Variants in SLC25A21 observed in about 807,000 individuals in gnomAD.
SLC25A21 encodes the protein mitochondrial 2-oxodicarboxylate carrier.
A neutral mutation model predicts 43.8 loss-of-function variants in SLC25A21; 47 were observed. The observed-to-expected ratio is 1.07, with a 90% CI of 0.85 to 1.37. The LOEUF is 1.37. Ranked by LOEUF, SLC25A21 falls within the 40% of genes most tolerant of loss-of-function variation. SLC25A21 has a pLI of 0.00. For synonymous variants in SLC25A21, 131 were observed against 121.3 expected, an observed-to-expected ratio of 1.08 and a Z score of -0.52; for missense variants, 352 against 350.2, an observed-to-expected ratio of 1.00 and a Z score of -0.04.
chr14:36,744,126 C>A (rs1011066267), intron 3 of SLC25A21, among the ~76,000 whole-genome samples: 4 of 152,122 alleles, frequency 2.6e-5, no homozygotes, highest in Non-Finnish European at 1.5e-5. Context: ...AAGTAATCTA[C>A]AGATTCAATG....
At chr14:36,824,764 T>C (rs894588403) in intron 2 of SLC25A21, among the ~76,000 whole-genome samples, 4 of 126,176 alleles carry the variant, frequency 3.2e-5, no homozygotes, top group Admixed American at 3.0e-4. Context: ...ATCACTTATA[T>C]AGCCCCCAGC....
At chr14:36,973,906 A>T (rs1294635842) in intron 1 of SLC25A21, among the ~76,000 whole-genome samples, 3 of 151,898 alleles carry the variant, frequency 2.0e-5, no homozygotes, top group East Asian at 1.9e-4. Context: ...ATTTTCAAAT[A>T]AAAAAAATTG....
intron 7 of SLC25A21, among the ~76,000 whole-genome samples, chr14:36,705,341 G>A (rs1260779906): frequency 1.3e-5 from 2 of 152,014 alleles, no homozygotes; most frequent in Non-Finnish European, 2.9e-5. Flanking sequence ...CACTGCGTCC[G>A]GCGGCTTACT....
intron 1 of SLC25A21, among the ~76,000 whole-genome samples, chr14:37,049,761 T>C (rs1356160853): frequency 6.6e-6 from 1 of 152,230 alleles, no homozygotes; most frequent in Non-Finnish European, 1.5e-5. Context: ...ATATATTTTA[T>C]TTAATGTAAT....
chr14:36,776,216 T>TTTC (rs1886816890), intron 3 of SLC25A21, among the ~76,000 whole-genome samples: 3 of 131,320 alleles, frequency 2.3e-5, no homozygotes, highest in African/African-American at 5.9e-5. Flanking sequence ...CTGCTTTCTT[T>TTTC]TTTCTTTTTC....
At chr14:36,949,070 T>C (rs1312875462) in intron 1 of SLC25A21, among the ~76,000 whole-genome samples, 1 of 152,226 alleles carries the variant, frequency 6.6e-6, no homozygotes, top group African/African-American at 2.4e-5. Flanking sequence ...GATCGAGTGA[T>C]GGGCTCTGGT....
At chr14:37,138,149 T>G (rs1235865830) in intron 1 of SLC25A21, among the ~76,000 whole-genome samples, 1 of 152,086 alleles carries the variant, frequency 6.6e-6, no homozygotes, top group African/African-American at 2.4e-5. Context: ...ATCCCACCCC[T>G]AAACACGCAT....
chr14:37,029,729 G>GC (rs1429644685), intron 1 of SLC25A21, among the ~76,000 whole-genome samples: 14 of 147,192 alleles, frequency 9.5e-5, no homozygotes, highest in African/African-American at 3.0e-4. Flanking sequence ...AGCTTTTGAC[G>GC]CCCCCAAAAC....
intron 1 of SLC25A21, among the ~76,000 whole-genome samples, chr14:36,890,698 T>C (rs947901883): frequency 6.6e-6 from 1 of 152,132 alleles, no homozygotes; most frequent in Non-Finnish European, 1.5e-5. Flanking sequence ...TATAATTGAG[T>C]AATATCAAGT....
chr14:36,972,070 C>T lies in SLC25A21; in HGVS notation c.71-97066G>A, dbSNP rs191762292. 6.6e-3 allele frequency among the ~76,000 whole-genome samples: 1,005 copies of T among 152,196 alleles called. 8 individuals are homozygous for T. The highest frequency in any genetic ancestry group is 0.022 in the African/African-American group (899 of 41,516). The stretch of plus-strand genomic sequence containing the variant: ...TGATAATGGTCCCGTAAGATTATAA[C>T]ATATTTTTATTGTACCTTTTCTAGG... On this transcript the variant is annotated intron_variant, in intron 1 of 9. Transcript: ENST00000331299.
chr14:36,707,133 G>C (rs1286399712), intron 7 of SLC25A21, among the ~76,000 whole-genome samples: 1 of 152,160 alleles, frequency 6.6e-6, no homozygotes, highest in Admixed American at 6.5e-5. Flanking sequence ...CTTTGCGCTA[G>C]ATGCTCCAGT....
chr14:36,847,820 T>C (rs1188480986), intron 2 of SLC25A21, among the ~76,000 whole-genome samples: 1 of 152,220 alleles, frequency 6.6e-6, no homozygotes. Context: ...GTTGGACATT[T>C]GTACAGGATG....
chr14:37,085,914 G>A (rs527590062), intron 1 of SLC25A21, among the ~76,000 whole-genome samples: 14 of 152,118 alleles, frequency 9.2e-5, no homozygotes, highest in Non-Finnish European at 1.6e-4. Context: ...GACCATCCTG[G>A]CTAACACGGT....
At chr14:36,724,705 G>A (rs983794282) in intron 6 of SLC25A21, among the ~76,000 whole-genome samples, 1 of 152,098 alleles carries the variant, frequency 6.6e-6, no homozygotes, top group Admixed American at 6.5e-5. Flanking sequence ...TGCACAATAC[G>A]TCATGTACCA....
chr14:36,730,709 A>C (rs1884783805), intron 4 of SLC25A21, among the ~76,000 whole-genome samples: 1 of 152,302 alleles, frequency 6.6e-6, no homozygotes, highest in Admixed American at 6.5e-5. Flanking sequence ...ATGAATGTAG[A>C]GTTTTCTAAA....
chr14:37,070,980 G>A (rs1309500555), intron 1 of SLC25A21, among the ~76,000 whole-genome samples: 2 of 152,124 alleles, frequency 1.3e-5, no homozygotes, highest in African/African-American at 4.8e-5. Flanking sequence ...CTGAAATACC[G>A]AGACTTTCTT....
At chr14:37,140,549 A>T (rs1335320024) in intron 1 of SLC25A21, among the ~76,000 whole-genome samples, 2 of 152,226 alleles carry the variant, frequency 1.3e-5, no homozygotes, top group Non-Finnish European at 2.9e-5. Context: ...ATTGAACGAG[A>T]GCATAAACAC....
intron 3 of SLC25A21, among the ~76,000 whole-genome samples, chr14:36,736,097 G>C (rs1027639385): frequency 1.3e-5 from 2 of 151,514 alleles, no homozygotes; most frequent in Admixed American, 6.6e-5. Flanking sequence ...CACCACGCCC[G>C]GCTAATTTTT....
chr14:36,684,997 A>G (rs1882473111), intron 7 of SLC25A21, 72 bp from the exon 8 acceptor site: 3 of 1,245,466 alleles, frequency 2.4e-6, no homozygotes, highest in Admixed American at 4.7e-5. Flanking sequence ...ACTATAAAGC[A>G]ATATGTATTT....
Sources: gnomAD v4.1 joint callset for allele counts (sites outside exome capture counted in the v4.1 genomes callset) on GRCh38, gnomAD v4.1.1 for gene constraint, MANE v1.5 for transcripts, NCBI Gene and HGNC (gene_info 2026-07-23, HGNC 2026-07-21) for gene names.